Variants in COG1 observed in about 807,000 individuals in gnomAD.
The protein encoded by COG1 is component of oligomeric golgi complex 1.
In COG1, 61 loss-of-function variants were observed where a neutral mutation model predicts 102.2. The ratio of observed to expected loss-of-function variants is 0.60; its 90% CI spans 0.49 to 0.74. The LOEUF (loss-of-function observed/expected upper bound fraction) is 0.74, where lower values mean the gene tolerates loss of function less well. Among genes scored for constraint, COG1 ranks in the 30% least tolerant of loss-of-function variants. The pLI is 0.00. For synonymous variants in COG1, 454 were observed against 493.6 expected, an observed-to-expected ratio of 0.92 and a Z score of 1.06; for missense variants, 1,164 against 1,232.1, an observed-to-expected ratio of 0.94 and a Z score of 0.83.
chr17:73,206,629 G>GT (rs1178253159), intron 11 of COG1, 79 bp from the exon 12 acceptor site: 24 of 917,218 alleles, frequency 2.6e-5, no homozygotes, highest in Non-Finnish European at 3.4e-5. Context: ...GTAGCGATGG[G>GT]TGACTAACCT....
intron 1 of COG1, among the ~76,000 whole-genome samples, chr17:73,196,087 G>A (rs554460267): frequency 6.6e-6 from 1 of 152,310 alleles, no homozygotes; most frequent in East Asian, 1.9e-4. Context: ...TTGATGTCTG[G>A]TGAGGGCCTT....
rs753106253 is a variant in COG1, at chr17:73,196,501, C to T, written c.316-6C>T. On this transcript the variant is annotated splice_region_variant and splice_polypyrimidine_tract_variant and intron_variant, in intron 1 of 13. Coordinates refer to ENST00000299886, the MANE Select transcript of COG1 (RefSeq NM_018714.3). The stretch of plus-strand genomic sequence containing the variant: ...TTCTGGTTTAGTTCTGTGCCTTCCC[C>T]TGCAGCCACAGCAGCCATCCCAGGA... 4.3e-5 allele frequency: 69 copies of T among 1,614,044 alleles called. No individual in the cohort carries two copies. Among genetic ancestry groups the T allele is most frequent in the Middle Eastern group, 1.6e-4 (1 of 6,082 alleles).
chr17:73,202,985 G>A lies in COG1; in HGVS notation c.2074-15G>A. 1.9e-6 allele frequency: 3 copies of A among 1,613,904 alleles called. No homozygotes were observed. The highest frequency in any genetic ancestry group is 2.5e-6 in the Non-Finnish European group (3 of 1,179,850). On this transcript the variant is annotated splice_polypyrimidine_tract_variant and intron_variant, in intron 7 of 13. Coordinates refer to ENST00000299886, the MANE Select transcript of COG1 (RefSeq NM_018714.3). ...ATCTGAGTGGCTTGTATGGATATCT[G>A]CCTTTTATTACCAGGTTTTGATTCA... is the stretch of plus-strand genomic sequence containing the variant.
chr17:73,193,184 G>A lies in COG1; in HGVS notation c.115G>A (p.Ala39Thr). The A allele has an allele frequency of 6.2e-7, 1 of 1,608,048 alleles. No homozygotes were observed. The highest frequency in any genetic ancestry group is 8.5e-7 in the Non-Finnish European group (1 of 1,177,790). The part of the protein sequence containing the change: ...EIRGLERQVR[A>T]EIEHKKEELR... ...CCGCGGGCTGGAGCGCCAGGTTCGG[G>A]CCGAGATCGAGCACAAGAAGGAGGA... The change falls in exon 1 of 14, where the codon GCC (alanine) becomes ACC (threonine). Residue 39 changes from alanine to threonine, a missense_variant. Physicochemically the swap from Ala to Thr is moderately conservative, Grantham distance 58. Coordinates refer to ENST00000299886, the MANE Select transcript of COG1 (RefSeq NM_018714.3).
In COG1 at chr17:73,206,799, T is replaced by G; in HGVS notation, c.2711T>G (p.Leu904Arg). The G allele has an allele frequency of 6.2e-7, 1 of 1,613,700 alleles. No homozygotes were observed. Among genetic ancestry groups the G allele is most frequent in the East Asian group, 2.2e-5 (1 of 44,852 alleles). ...NSQEPHNILP[L>R]ASSQIRFGLL... ...CAAGAACCCCATAACATCCTGCCAC[T>G]GGCATCCAGTCAGATCAGGTAAAGG... The change falls in exon 12 of 14, where the codon CTG (leucine) becomes CGG (arginine). Residue 904 changes from leucine to arginine, a missense_variant. Transcript: ENST00000299886.
intron 1 of COG1, among the ~76,000 whole-genome samples, chr17:73,195,328 T>A (rs934812585): frequency 6.6e-5 from 10 of 152,032 alleles, no homozygotes; most frequent in Admixed American, 2.0e-4. Flanking sequence ...TGTAAAAAAA[T>A]TTAGAATAAC....
intron 8 of COG1, 44 bp downstream of exon 8, chr17:73,203,190 TGGAA>T (rs774764146): frequency 6.2e-7 from 1 of 1,608,518 alleles, no homozygotes; most frequent in South Asian, 1.1e-5. Context: ...AACTGCTCCG[TGGAA>T]AAGAAGAAAG....
chr17:73,206,944 A>C (rs2061377328), intron 12 of COG1, 127 bp downstream of exon 12: 1 of 779,552 alleles, frequency 1.3e-6, no homozygotes, highest in South Asian at 1.5e-5. Flanking sequence ...AATACAAAAA[A>C]TTAGCTGGCC....
At chr17:73,205,124 C>T (rs1243368427) in intron 9 of COG1, 2 of 259,088 alleles carry the variant, frequency 7.7e-6, no homozygotes, top group East Asian at 1.0e-4. Flanking sequence ...GATTGTGTCA[C>T]TGCACTCCAG....
At chr17:73,202,739 G>T (rs919471564) in intron 7 of COG1, among the ~76,000 whole-genome samples, 1 of 152,160 alleles carries the variant, frequency 6.6e-6, no homozygotes, top group African/African-American at 2.4e-5. Flanking sequence ...AGTGAGCTGT[G>T]ATTGTGCCAC....
rs181641412 is a variant in COG1 at position 73,208,249 on chromosome 17, G to A, written c.2806-65G>A. The A allele has an allele frequency of 2.8e-4, 456 of 1,609,884 alleles. 2 individuals carry two copies. The East Asian group carries it at 8.5e-3, about 30-fold the overall frequency. ...GTGTGGACTCCGAGTGGCGTCGCGC[G>A]GAGGGCGAGTGGGCAGGAGGGCTCA... On this transcript the variant is annotated intron_variant, in intron 13 of 13. Transcript: ENST00000299886.
chr17:73,195,020 G>A (rs76411189), intron 1 of COG1, among the ~76,000 whole-genome samples: 2,162 of 152,264 alleles, frequency 0.014, 59 homozygotes, highest in African/African-American at 0.049. Context: ...TGAAATGAGT[G>A]ACCTCATCCC....
intron 9 of COG1, among the ~76,000 whole-genome samples, chr17:73,204,710 G>A (rs991099916): frequency 3.3e-5 from 5 of 151,920 alleles, no homozygotes; most frequent in Non-Finnish European, 5.9e-5. Flanking sequence ...CAAGGCATGC[G>A]CCAGCACACC....
intron 13 of COG1, chr17:73,207,932 T>C: frequency 8.4e-7 from 1 of 1,190,542 alleles, no homozygotes; most frequent in Non-Finnish European, 1.1e-6. Flanking sequence ...GAGATGGTAG[T>C]TTAAAAAAAA....
chr17:73,202,273 A>G (rs1479549002), intron 7 of COG1, among the ~76,000 whole-genome samples: 2 of 152,308 alleles, frequency 1.3e-5, no homozygotes, highest in Non-Finnish European at 2.9e-5. Context: ...CGGGAGGCAG[A>G]GCTTGCAGTG....
intron 2 of COG1, 56 bp from the exon 3 acceptor site, chr17:73,196,844 G>A: frequency 1.9e-6 from 3 of 1,613,680 alleles, no homozygotes; most frequent in East Asian, 4.5e-5. Context: ...ATGTACCAAA[G>A]CTCTTTACCC....
At chr17:73,207,665 G>C (rs2061385619) in intron 13 of COG1, 1 of 1,295,388 alleles carries the variant, frequency 7.7e-7, no homozygotes, top group East Asian at 5.4e-5. Flanking sequence ...TTCCCCAAAA[G>C]TTTGACATTT....
intron 6 of COG1, 147 bp downstream of exon 6, chr17:73,200,923 C>A: frequency 1.1e-6 from 1 of 928,692 alleles, no homozygotes; most frequent in Non-Finnish European, 1.7e-6. Context: ...ATACACCAGG[C>A]CTCTGTCACT....
At position 73,203,779 on chromosome 17, in the gene COG1, G is replaced by C. The variant is rs749884441; in HGVS notation, c.2368G>C (p.Glu790Gln). The change falls in exon 9 of 14, where the codon GAA (glutamate) becomes CAA (glutamine). Residue 790 changes from glutamate (E) to glutamine (Q), a missense_variant. By Grantham distance (29) the Glu-to-Gln change is conservative. Transcript: ENST00000299886. The part of the protein sequence containing the change: ...VVAAYEKLSE[E>Q]KQIKKEGAFP... ...AGCTGCCTATGAGAAACTCTCCGAA[G>C]AAAAACAGATTAAGGTAGGTGTCTG... The C allele has an allele frequency of 6.8e-6, 11 of 1,614,038 alleles. No individual in the cohort carries two copies. Among genetic ancestry groups the C allele is most frequent in the Admixed American group, 6.7e-5 (4 of 59,986 alleles).
Sources: allele counts gnomAD v4.1 joint callset (sites outside exome capture counted in the v4.1 genomes callset), GRCh38; gene constraint gnomAD v4.1.1; transcripts MANE v1.5; gene names NCBI Gene and HGNC (gene_info 2026-07-23, HGNC 2026-07-21).